NTRK3: variants seen among roughly 807,000 people sequenced by gnomAD.
The protein encoded by NTRK3 is neurotrophic receptor tyrosine kinase 3, also known as NT-3 growth factor receptor.
A neutral mutation model predicts 91.7 loss-of-function variants in NTRK3; 24 were observed. The observed-to-expected ratio is 0.26, with a 90% CI of 0.19 to 0.37. The LOEUF (loss-of-function observed/expected upper bound fraction) is 0.37, where lower values mean the gene tolerates loss of function less well. Ranked by LOEUF, NTRK3 falls within the 10% of genes least tolerant of loss-of-function variation. The pLI, the probability that NTRK3 is intolerant of heterozygous loss-of-function variation, is 1.00. For synonymous variants in NTRK3, 483 were observed against 404.0 expected, an observed-to-expected ratio of 1.20 and a Z score of -2.34; for missense variants, 880 against 1,068.9, an observed-to-expected ratio of 0.82 and a Z score of 2.46.
At chr15:88,127,819 C>A (rs769769794) in intron 11 of NTRK3, among the ~76,000 whole-genome samples, 1 of 152,112 alleles carries the variant, frequency 6.6e-6, no homozygotes, top group Admixed American at 6.5e-5. Flanking sequence ...ACCATCTGAC[C>A]GGGAAACACC....
chr15:87,906,771 C>G (rs1226120556), intron 17 of NTRK3, among the ~76,000 whole-genome samples: 2 of 152,180 alleles, frequency 1.3e-5, no homozygotes, highest in Admixed American at 1.3e-4. Context: ...ACTACCACCA[C>G]CAACACCACC....
intron 13 of NTRK3, among the ~76,000 whole-genome samples, chr15:88,111,989 CT>C (rs1174054500): frequency 6.6e-6 from 1 of 151,294 alleles, no homozygotes; most frequent in Non-Finnish European, 1.5e-5. Flanking sequence ...TCACTGCAAG[CT>C]CCGCCTCCAA....
chr15:88,085,270 A>T (rs2048394572), intron 13 of NTRK3, among the ~76,000 whole-genome samples: 2 of 152,308 alleles, frequency 1.3e-5, no homozygotes, highest in Middle Eastern at 6.8e-3. Flanking sequence ...AATAGATGGG[A>T]TGATTGTTCA....
intron 13 of NTRK3, among the ~76,000 whole-genome samples, chr15:88,115,524 G>A (rs1033488390): frequency 6.6e-6 from 1 of 152,212 alleles, no homozygotes; most frequent in Non-Finnish European, 1.5e-5. Context: ...AAGGCCTGCT[G>A]GCAGATAGAC....
At chr15:88,033,072 C>T (rs2078697864) in intron 13 of NTRK3, 27 bp from the exon 14 acceptor site, 1 of 1,552,954 alleles carries the variant, frequency 6.4e-7, no homozygotes, top group Non-Finnish European at 8.7e-7. Flanking sequence ...AGACGCAGGA[C>T]CTGGTGACGT....
At chr15:87,945,824 A>G (rs1284483134) in intron 14 of NTRK3, among the ~76,000 whole-genome samples, 2 of 151,794 alleles carry the variant, frequency 1.3e-5, no homozygotes, top group Non-Finnish European at 2.9e-5. Flanking sequence ...AAAAAAAAAA[A>G]AAAAACAGAT....
At chr15:88,180,394 G>C (rs1453642823) in intron 5 of NTRK3, among the ~76,000 whole-genome samples, 1 of 152,176 alleles carries the variant, frequency 6.6e-6, no homozygotes, top group Non-Finnish European at 1.5e-5. Context: ...GAAAACTAAA[G>C]CAGTCAAGAG....
chr15:88,021,521 C>T (rs1255354529), intron 14 of NTRK3, among the ~76,000 whole-genome samples: 1 of 152,218 alleles, frequency 6.6e-6, no homozygotes, highest in African/African-American at 2.4e-5. Context: ...GAATTAAAGG[C>T]TCTCAGAATC....
chr15:88,031,903 T>C (rs929870409), intron 14 of NTRK3, among the ~76,000 whole-genome samples: 2 of 151,874 alleles, frequency 1.3e-5, no homozygotes, highest in African/African-American at 2.4e-5. Flanking sequence ...CACTGAGACA[T>C]GAAAAGAACC....
intron 9 of NTRK3, 83 bp from the exon 10 acceptor site, chr15:88,135,480 T>C: frequency 6.9e-7 from 1 of 1,439,014 alleles, no homozygotes; most frequent in Non-Finnish European, 9.5e-7. Flanking sequence ...AAAATGGGAA[T>C]CCCGGTTCTT....
intron 14 of NTRK3, chr15:87,978,813 T>C (rs1003542433): frequency 8.5e-6 from 2 of 235,924 alleles, no homozygotes; most frequent in African/African-American, 4.4e-5. Context: ...CCCCCTCCTC[T>C]TACCGCGCCG....
intron 3 of NTRK3, among the ~76,000 whole-genome samples, chr15:88,185,011 A>G (rs983375315): frequency 1.3e-5 from 2 of 152,230 alleles, no homozygotes; most frequent in Non-Finnish European, 2.9e-5. Flanking sequence ...TTCAGGACCC[A>G]GTGACTTTGA....
At chr15:88,253,064 C>T (rs77493215) in intron 3 of NTRK3, 38 of 152,388 alleles carry the variant, frequency 2.5e-4, no homozygotes, top group African/African-American at 4.6e-4. Flanking sequence ...GATCTCGAAA[C>T]ATTACAGCCC....
At chr15:87,889,414 T>TG (rs2065732696) in intron 17 of NTRK3, among the ~76,000 whole-genome samples, 1 of 144,880 alleles carries the variant, frequency 6.9e-6, no homozygotes, top group Non-Finnish European at 1.5e-5. Flanking sequence ...TTTTTTTTTT[T>TG]TTTTTTTGAG....
exon 19 of NTRK3, chr15:87,873,907 G>A (rs1261592948): frequency 4.3e-6 from 1 of 230,372 alleles, no homozygotes; most frequent in Non-Finnish European, 8.6e-6. Context: ...GCCTTCAGCG[G>A]CAACTGCCCC....
At chr15:88,111,313 A>T (rs904217377) in intron 13 of NTRK3, among the ~76,000 whole-genome samples, 4 of 152,206 alleles carry the variant, frequency 2.6e-5, no homozygotes, top group African/African-American at 9.7e-5. Flanking sequence ...TTCCCGAAGT[A>T]CTAATACTTG....
intron 13 of NTRK3, among the ~76,000 whole-genome samples, chr15:88,095,407 T>G (rs1199970970): frequency 6.6e-6 from 1 of 152,186 alleles, no homozygotes; most frequent in African/African-American, 2.4e-5. Context: ...CTGGGGCTGA[T>G]CAGCGATGAG....
intron 17 of NTRK3, among the ~76,000 whole-genome samples, chr15:87,889,396 C>CTTTTTTTTTTTTTTTTTTTTTTT (rs568030482): frequency 1.0e-5 from 1 of 95,630 alleles, no homozygotes. Flanking sequence ...TTATTAGTTC[C>CTTTTTTTTTTTTTTTTTTTTTTT]TTTTTTTTTT....
At chr15:88,120,296 G>A (rs2052560540) in intron 13 of NTRK3, among the ~76,000 whole-genome samples, 1 of 152,174 alleles carries the variant, frequency 6.6e-6, no homozygotes, top group African/African-American at 2.4e-5. Flanking sequence ...GTTACCATCT[G>A]TTTATGGAAA....
Sources: allele counts gnomAD v4.1 joint callset (sites outside exome capture counted in the v4.1 genomes callset), GRCh38; gene constraint gnomAD v4.1.1; transcripts MANE v1.5; gene names NCBI Gene and HGNC (gene_info 2026-07-23, HGNC 2026-07-21).